The following DENND5B variants were observed in gnomAD, a reference collection of about 807,000 sequenced individuals.
DENND5B encodes DENN domain-containing protein 5B.
DENND5B carries 34 observed loss-of-function variants against 140.6 expected under a neutral mutation model. The observed-to-expected ratio is 0.24, with a 90% CI of 0.18 to 0.32. The LOEUF (loss-of-function observed/expected upper bound fraction) is 0.32, where lower values mean the gene tolerates loss of function less well. Among genes scored for constraint, DENND5B ranks in the 10% least tolerant of loss-of-function variants. The pLI is 1.00. For missense variants in DENND5B, 1,142 were observed against 1,560.2 expected (o/e 0.73, Z 4.52); for synonymous variants, 551 against 562.1 (o/e 0.98, Z 0.28).
intron 1 of DENND5B, among the ~76,000 whole-genome samples, chr12:31,560,736 T>C (rs1299917124): frequency 1.3e-5 from 2 of 152,170 alleles, no homozygotes; most frequent in Non-Finnish European, 2.9e-5. Context: ...TATTATTCAT[T>C]CCTCTTGTTC....
intron 3 of DENND5B, among the ~76,000 whole-genome samples, 182 bp downstream of exon 3, chr12:31,479,407 G>C (rs1283229978): frequency 6.6e-6 from 1 of 152,156 alleles, no homozygotes; most frequent in Non-Finnish European, 1.5e-5. Context: ...GTCACTGACT[G>C]CCACCTCAAA....
chr12:31,483,456 T>TC (rs1301908003), intron 2 of DENND5B, among the ~76,000 whole-genome samples: 1 of 151,700 alleles, frequency 6.6e-6, no homozygotes, highest in Non-Finnish European at 1.5e-5. Flanking sequence ...TTTTTTTTTT[T>TC]CCAAGACGGA....
At chr12:31,487,031 C>G (rs972620052) in intron 2 of DENND5B, among the ~76,000 whole-genome samples, 1 of 152,020 alleles carries the variant, frequency 6.6e-6, no homozygotes, top group Non-Finnish European at 1.5e-5. Flanking sequence ...AATAATATAC[C>G]ATTTGGGGCC....
chr12:31,567,320 A>AG (rs1395250554), intron 1 of DENND5B, among the ~76,000 whole-genome samples: 3 of 150,172 alleles, frequency 2.0e-5, no homozygotes, highest in South Asian at 2.1e-4. Context: ...CTTGTCTCAA[A>AG]AAAAAAAAAA....
intron 14 of DENND5B, among the ~76,000 whole-genome samples, chr12:31,404,251 A>T (rs1404965038): frequency 6.6e-6 from 1 of 152,116 alleles, no homozygotes; most frequent in Non-Finnish European, 1.5e-5. Context: ...AGATGGTTTA[A>T]GCACATAAGC....
chr12:31,419,072 GA>G (rs914146105), intron 11 of DENND5B, among the ~76,000 whole-genome samples: 39 of 152,180 alleles, frequency 2.6e-4, no homozygotes, highest in African/African-American at 8.9e-4. Context: ...TAGGGGTTAG[GA>G]AATGGAACCA....
intron 2 of DENND5B, among the ~76,000 whole-genome samples, chr12:31,480,793 A>C (rs1242384285): frequency 6.6e-6 from 1 of 152,218 alleles, no homozygotes; most frequent in Non-Finnish European, 1.5e-5. Flanking sequence ...TGCTATTTTG[A>C]ATAGTATGGT....
chr12:31,583,504 C>G (rs1299336859), intron 1 of DENND5B, among the ~76,000 whole-genome samples: 1 of 151,610 alleles, frequency 6.6e-6, no homozygotes, highest in Non-Finnish European at 1.5e-5. Flanking sequence ...TGATGAAACT[C>G]CGTCTCTACC....
chr12:31,384,788 C>T lies in DENND5B; in HGVS notation c.*2815G>A, dbSNP rs1437497397. The T allele has an allele frequency of 2.0e-5, 3 of 149,866 alleles. No homozygotes were observed. Among genetic ancestry groups the T allele is most frequent in the East Asian group, 1.9e-4 (1 of 5,130 alleles). The allele number at this position is 149,866 out of a possible 1,614,324, so 9.3% of individuals were successfully genotyped here. ...TTTTTTTCTTTTTTTTTTTTTGAGA[C>T]GGAGTCTCGCTCTTGTCACCCAGGT... is the stretch of plus-strand genomic sequence containing the variant. On this transcript the variant is annotated 3_prime_UTR_variant, in exon 21 of 21. Coordinates refer to ENST00000389082, the MANE Select transcript of DENND5B (RefSeq NM_144973.4).
chr12:31,514,012 T>G (rs907471088), intron 1 of DENND5B, among the ~76,000 whole-genome samples: 5 of 151,988 alleles, frequency 3.3e-5, no homozygotes, highest in Non-Finnish European at 7.4e-5. Flanking sequence ...TAATCTTCTT[T>G]AAAATTTTTT....
Position 31,452,356 on chromosome 12 carries a change from T to A in DENND5B, c.1213A>T (p.Ile405Phe). ...CAATGTAGGCTGCCCTCAGGAGGGA[T>A]CCCAAATTGAACAAGAACCTCAGAG... ...ELSEVLVQFG[I>F]PPEGSLHCSE... is the part of the protein sequence containing the mutation. Residue 405 changes from isoleucine (I) to phenylalanine (F), a missense_variant, in exon 5 of 21, where the codon ATC becomes TTC. Transcript: ENST00000389082. 6.2e-7 allele frequency: 1 copy of A among 1,613,988 alleles called. No homozygotes were observed. The highest frequency in any genetic ancestry group is 2.2e-5 in the East Asian group (1 of 44,888).
intron 1 of DENND5B, among the ~76,000 whole-genome samples, chr12:31,575,480 G>C (rs1949978400): frequency 6.6e-6 from 1 of 152,114 alleles, no homozygotes; most frequent in Admixed American, 6.5e-5. Context: ...CCTTTTTGCT[G>C]TTTTAGTCCT....
At chr12:31,583,679 G>GA (rs1392881224) in intron 1 of DENND5B, among the ~76,000 whole-genome samples, 2 of 114,816 alleles carry the variant, frequency 1.7e-5, no homozygotes, top group Non-Finnish European at 3.7e-5. Flanking sequence ...CTGTGTCTGG[G>GA]AAAAAACAAA....
chr12:31,568,090 T>G (rs536973201), intron 1 of DENND5B, among the ~76,000 whole-genome samples: 139 of 152,278 alleles, frequency 9.1e-4, no homozygotes, highest in Non-Finnish European at 1.6e-3. Context: ...TCCAGAAATA[T>G]GAAATGCTCC....
intron 1 of DENND5B, among the ~76,000 whole-genome samples, chr12:31,510,890 C>T (rs534433136): frequency 2.5e-4 from 38 of 152,260 alleles, no homozygotes; most frequent in Non-Finnish European, 4.3e-4. Flanking sequence ...CTGCCTACCA[C>T]ACCCCTCCTT....
intron 1 of DENND5B, among the ~76,000 whole-genome samples, chr12:31,512,410 TTAG>T (rs1394338530): frequency 7.3e-5 from 11 of 150,416 alleles, no homozygotes; most frequent in Admixed American, 5.3e-4. Context: ...TTTTTAATTT[TTAG>T]TAGAGATAAG....
chr12:31,416,513 C>T (rs1019981783), intron 11 of DENND5B, among the ~76,000 whole-genome samples: 1 of 152,126 alleles, frequency 6.6e-6, no homozygotes, highest in Non-Finnish European at 1.5e-5. Flanking sequence ...ATCTGCCCGC[C>T]TTGGCCTCCC....
chr12:31,386,822 A>C lies in DENND5B; in HGVS notation c.*781T>G, dbSNP rs1940872778. 1 of 152,256 alleles carries C rather than the reference A, an allele frequency of 6.6e-6. No homozygotes were observed. The highest frequency in any genetic ancestry group is 1.5e-5 in the Non-Finnish European group (1 of 68,044). The allele number at this position is 152,256 out of a possible 1,614,324, so 9.4% of individuals were successfully genotyped here. ...AATTCACATCTTCCCAAAGTACCTCAAATAACAAGAATAAAAATGCCAAGA... is the reference window on the plus strand; with the variant it reads ...AATTCACATCTTCCCAAAGTACCTCCAATAACAAGAATAAAAATGCCAAGA... On this transcript the variant is annotated 3_prime_UTR_variant, in exon 21 of 21. Transcript: ENST00000389082.
At chr12:31,397,775 T>C (rs560683765) in intron 17 of DENND5B, among the ~76,000 whole-genome samples, 3 of 150,708 alleles carry the variant, frequency 2.0e-5, no homozygotes, top group African/African-American at 7.3e-5. Context: ...AATACAAAAA[T>C]TAGCCAGGTG....
Sources: allele counts gnomAD v4.1 joint callset (sites outside exome capture counted in the v4.1 genomes callset), GRCh38; gene constraint gnomAD v4.1.1; transcripts MANE v1.5; gene names NCBI Gene and HGNC (gene_info 2026-07-23, HGNC 2026-07-21).